Variants in SLC17A1 observed in about 807,000 individuals in gnomAD.
The protein encoded by SLC17A1 is solute carrier family 17 member 1.
A neutral mutation model predicts 53.5 loss-of-function variants in SLC17A1; 51 were observed. The observed-to-expected ratio is 0.95, with a 90% CI of 0.76 to 1.20. The LOEUF (loss-of-function observed/expected upper bound fraction) is 1.20, where lower values mean the gene tolerates loss of function less well. SLC17A1 is among the 50% of genes most tolerant of loss of function. The probability of loss-of-function intolerance (pLI) is 0.00; values close to 1 mark genes in which losing one functional copy is unlikely to be tolerated. For synonymous variants in SLC17A1, 179 were observed against 198.8 expected, an observed-to-expected ratio of 0.90 and a Z score of 0.84; for missense variants, 538 against 568.2, an observed-to-expected ratio of 0.95 and a Z score of 0.54.
chr6:25,740,045 C>T, the SLC17A1 span, among the ~76,000 whole-genome samples: 41,298 of 152,050 alleles, frequency 0.27, 6,825 homozygotes, highest in East Asian at 0.7. Context: ...CTTGCACCTT[C>T]CTGTGAACCT....
At chr6:25,786,595 G>C (rs747041173) in intron 12 of SLC17A1, among the ~76,000 whole-genome samples, 4 of 152,112 alleles carry the variant, frequency 2.6e-5, no homozygotes, top group Non-Finnish European at 2.9e-5. Context: ...ATGCCAAGGA[G>C]ATGGGCAGCT....
At chr6:25,759,232 G>A in the SLC17A1 span, among the ~76,000 whole-genome samples, 52 of 147,768 alleles carry the variant, frequency 3.5e-4, no homozygotes, top group African/African-American at 7.5e-4. Flanking sequence ...GGTCTGTCTT[G>A]GAGAATGTCC....
the SLC17A1 span, chr6:25,727,182 T>A: frequency 1.2e-6 from 2 of 1,614,154 alleles, no homozygotes; most frequent in Admixed American, 1.7e-5. Context: ...CTCCACCATT[T>A]CTTCCAGAGA....
chr6:25,764,034 A>G, the SLC17A1 span, among the ~76,000 whole-genome samples: 1 of 152,208 alleles, frequency 6.6e-6, no homozygotes, highest in Non-Finnish European at 1.5e-5. Flanking sequence ...GACACTGCCA[A>G]TGATCCCAGC....
chr6:25,830,591 G>T lies in SLC17A1; in HGVS notation c.-34C>A. 1 of 1,613,304 alleles carries T rather than the reference G, an allele frequency of 6.2e-7. No homozygotes were observed. Among genetic ancestry groups the T allele is most frequent in the Admixed American group, 1.7e-5 (1 of 59,998 alleles). On this transcript the variant is annotated 5_prime_UTR_variant, in exon 2 of 13. Transcript: ENST00000244527. ...GAAGTTGCTTCTCTTCTTGCTGAAG[G>T]GTTTTGCCTCCACCCACTGTGAGTG...
chr6:25,741,171 C>G, the SLC17A1 span, among the ~76,000 whole-genome samples: 1 of 152,026 alleles, frequency 6.6e-6, no homozygotes, highest in Non-Finnish European at 1.5e-5. Flanking sequence ...TTGTAATGTT[C>G]CCAACACAAA....
At chr6:25,741,787 G>GCTAGT in the SLC17A1 span, among the ~76,000 whole-genome samples, 2 of 152,034 alleles carry the variant, frequency 1.3e-5, no homozygotes, top group Non-Finnish European at 2.9e-5. Flanking sequence ...TGTAATCCCA[G>GCTAGT]CTAGTCGGGT....
chr6:25,790,327 T>G (rs1763475932), intron 12 of SLC17A1, among the ~76,000 whole-genome samples: 1 of 152,144 alleles, frequency 6.6e-6, no homozygotes, highest in Non-Finnish European at 1.5e-5. Context: ...CATTATTCAC[T>G]CGAAGAATTC....
the SLC17A1 span, among the ~76,000 whole-genome samples, chr6:25,747,138 T>C: frequency 2.6e-5 from 4 of 152,296 alleles, no homozygotes; most frequent in Non-Finnish European, 5.9e-5. Context: ...GGATCTACTT[T>C]AGCACCTCCT....
chr6:25,787,883 G>A (rs1022179066), intron 12 of SLC17A1, among the ~76,000 whole-genome samples: 9 of 152,118 alleles, frequency 5.9e-5, no homozygotes, highest in Non-Finnish European at 1.3e-4. Flanking sequence ...AGAGTCCTTG[G>A]GGGAAAAGGA....
chr6:25,778,926 C>A (rs1293202436), downstream of SLC17A1: 4 of 1,203,288 alleles, frequency 3.3e-6, no homozygotes, highest in Non-Finnish European at 4.7e-6. Context: ...CTAGGACCAA[C>A]TGGGAAGCCC....
rs1764152375 is a variant in SLC17A1 at position 25,811,431 on chromosome 6, C to T, written c.1145G>A (p.Gly382Glu). The T allele has an allele frequency of 1.2e-6, 2 of 1,613,776 alleles. No individual in the cohort carries two copies. Among genetic ancestry groups the T allele is most frequent in the African/African-American group, 1.3e-5 (1 of 74,956 alleles). ...AGATGSFCLGGVFINGLDIAP... is the reference protein window; with the variant it reads ...AGATGSFCLGEVFINGLDIAP... The stretch of plus-strand genomic sequence containing the variant: ...AATATCCAAGCCATTTATAAACACT[C>T]CACCCAAGCAAAAGCTGCCTGTTGC... The change falls in exon 10 of 13, where the codon GGA (glycine) becomes GAA (glutamate). Residue 382 changes from glycine (G) to glutamate (E), a missense_variant. Transcript: ENST00000244527.
the SLC17A1 span, among the ~76,000 whole-genome samples, chr6:25,750,125 C>T: frequency 2.0e-5 from 3 of 152,248 alleles, no homozygotes; most frequent in Middle Eastern, 3.4e-3. Context: ...AACAAAGCAC[C>T]GCCTTTTTTG....
chr6:25,780,368 G>A (rs1763236568), downstream of SLC17A1: 1 of 152,144 alleles, frequency 6.6e-6, no homozygotes, highest in Non-Finnish European at 1.5e-5. Flanking sequence ...TTATGAGAGT[G>A]GATGATAAGT....
chr6:25,773,183 C>A, the SLC17A1 span: 1 of 962,648 alleles, frequency 1.0e-6, no homozygotes, highest in Non-Finnish European at 1.7e-6. Context: ...GTACTGAGGC[C>A]AGTCACTCTG....
chr6:25,785,076 T>C (rs6926425), intron 12 of SLC17A1, among the ~76,000 whole-genome samples: 51,955 of 152,016 alleles, frequency 0.34, 9,703 homozygotes, highest in East Asian at 0.76. Context: ...AAGATCAATA[T>C]ACAAAAGTCA....
At chr6:25,817,049 A>G (rs1221909356) in intron 6 of SLC17A1, among the ~76,000 whole-genome samples, 1 of 151,982 alleles carries the variant, frequency 6.6e-6, no homozygotes, top group Non-Finnish European at 1.5e-5. Context: ...GGGTTTCACC[A>G]TGTTGGCCAG....
intron 10 of SLC17A1, among the ~76,000 whole-genome samples, chr6:25,803,921 A>G (rs1763868841): frequency 6.6e-6 from 1 of 152,138 alleles, no homozygotes; most frequent in Admixed American, 6.5e-5. Flanking sequence ...AAAAATCATC[A>G]GAGAGAAGGT....
chr6:25,729,032 T>C, the SLC17A1 span, among the ~76,000 whole-genome samples: 1 of 152,184 alleles, frequency 6.6e-6, no homozygotes, highest in Non-Finnish European at 1.5e-5. Context: ...CATGCTTCTC[T>C]AACACCTTGG....
Sources: gnomAD v4.1 joint callset for allele counts (sites outside exome capture counted in the v4.1 genomes callset) on GRCh38, gnomAD v4.1.1 for gene constraint, MANE v1.5 for transcripts, NCBI Gene and HGNC (gene_info 2026-07-23, HGNC 2026-07-21) for gene names.